The following DNAH14 variants were observed in gnomAD, a reference collection of about 807,000 sequenced individuals.
The protein encoded by DNAH14 is axonemal beta dynein heavy chain 14.
In DNAH14, 478 loss-of-function variants were observed where a neutral mutation model predicts 520.9. The ratio of observed to expected loss-of-function variants is 0.92; its 90% CI spans 0.85 to 0.99. DNAH14 has a LOEUF of 0.99. DNAH14 is among the 50% of genes least tolerant of loss of function. The pLI, the probability that DNAH14 is intolerant of heterozygous loss-of-function variation, is 0.00. For synonymous variants in DNAH14, 1,581 were observed against 1,757.2 expected (o/e 0.90, Z 2.51); for missense variants, 4,831 against 5,234.5 (o/e 0.92, Z 2.38).
chr1:225,285,152 G>A (rs935993731), intron 54 of DNAH14, among the ~76,000 whole-genome samples: 3 of 152,170 alleles, frequency 2.0e-5, no homozygotes, highest in African/African-American at 7.2e-5. Context: ...GAAAAAGTGG[G>A]GAAAGGGCAT....
rs1191779139 is a variant in DNAH14, at chr1:225,345,992, A to T, written c.10709A>T (p.Asp3570Val). ...GSILDDDKIV[D>V]TLRKSKMTSN... ...ATATTAGATGATGACAAAATTGTAG[A>T]TACCTTAAGAAAATCCAAAATGACA... Residue 3570 changes from aspartate to valine, a missense_variant, in exon 70 of 86, where the codon GAT (aspartate) becomes GTT (valine). Physicochemically the swap from Asp to Val is radical, Grantham distance 152 (BLOSUM62 -3). Coordinates refer to ENST00000682510, the MANE Select transcript of DNAH14 (RefSeq NM_001367479.1). 5 of 1,550,818 alleles carry T rather than the reference A, an allele frequency of 3.2e-6. No individual in the cohort carries two copies. Among genetic ancestry groups the T allele is most frequent in the East Asian group, 2.4e-5 (1 of 40,926 alleles).
intron 68 of DNAH14, among the ~76,000 whole-genome samples, chr1:225,338,975 C>T (rs1373712179): frequency 6.6e-6 from 1 of 152,028 alleles, no homozygotes; most frequent in Non-Finnish European, 1.5e-5. Flanking sequence ...GCTGCAGAGT[C>T]TCTCATCAAA....
chr1:225,375,895 T>C (rs1308515841), intron 78 of DNAH14, among the ~76,000 whole-genome samples: 1 of 152,040 alleles, frequency 6.6e-6, no homozygotes, highest in Non-Finnish European at 1.5e-5. Flanking sequence ...GAGAGCAGCC[T>C]GGCCAACATG....
chr1:225,255,732 C>T (rs900301113), intron 44 of DNAH14, among the ~76,000 whole-genome samples: 8 of 152,008 alleles, frequency 5.3e-5, no homozygotes, highest in African/African-American at 1.9e-4. Flanking sequence ...TTAGCAGAAA[C>T]AAGATTGCAG....
chr1:225,085,678 G>C lies in DNAH14; in HGVS notation c.3462G>C (p.Glu1154Asp). The C allele has an allele frequency of 1.3e-6, 2 of 1,551,260 alleles. No homozygotes were observed. The highest frequency in any genetic ancestry group is 3.9e-5 in the Admixed American group (2 of 50,994). Reference protein sequence around the residue: ...TPLPLILHHTEIYSIFIIPSI... With the variant: ...TPLPLILHHTDIYSIFIIPSI... ...TGCCTTTAATTCTTCACCACACAGA[G>C]ATTTACTCTATCTTCATAATTCCAT... The change falls in exon 21 of 86, where the codon GAG (glutamate) becomes GAC (aspartate). Residue 1154 changes from glutamate (E) to aspartate (D), a missense_variant. By Grantham distance (45) the Glu-to-Asp change is conservative (BLOSUM62 2). Coordinates refer to ENST00000682510, the MANE Select transcript of DNAH14 (RefSeq NM_001367479.1).
chr1:225,325,590 T>A (rs1028677544), intron 64 of DNAH14, among the ~76,000 whole-genome samples: 1 of 152,146 alleles, frequency 6.6e-6, no homozygotes. Flanking sequence ...TAAATTAAAA[T>A]ACAGTATCAT....
chr1:225,111,691 T>C (rs60434067), intron 23 of DNAH14, among the ~76,000 whole-genome samples: 12,367 of 152,106 alleles, frequency 0.081, 1,626 homozygotes, highest in African/African-American at 0.28. Context: ...TCTGGTTGTT[T>C]TGTGGTCTTC....
intron 34 of DNAH14, 119 bp downstream of exon 34, chr1:225,153,945 A>G: frequency 1.6e-6 from 1 of 630,602 alleles, no homozygotes; most frequent in Non-Finnish European, 2.6e-6. Context: ...CTGTCATAGT[A>G]AAGTAAGGCA....
intron 39 of DNAH14, 44 bp from the exon 40 acceptor site, chr1:225,205,927 A>G: frequency 7.0e-7 from 1 of 1,431,732 alleles, no homozygotes; most frequent in African/African-American, 1.4e-5. Context: ...ATGAAAGATG[A>G]CGGACATTAG....
At chr1:224,969,266 A>G in intron 7 of DNAH14, 1 of 185,136 alleles carries the variant, frequency 5.4e-6, no homozygotes, top group South Asian at 1.2e-4. Context: ...GCAAACTTAA[A>G]TACACCCTAC....
intron 8 of DNAH14, among the ~76,000 whole-genome samples, chr1:225,002,563 T>A (rs1490968134): frequency 6.6e-6 from 1 of 152,080 alleles, no homozygotes; most frequent in Non-Finnish European, 1.5e-5. Context: ...TTCCCCCTCC[T>A]ATTTTGTTCT....
intron 17 of DNAH14, among the ~76,000 whole-genome samples, chr1:225,072,390 C>T (rs2071644757): frequency 6.6e-6 from 1 of 152,122 alleles, no homozygotes; most frequent in South Asian, 2.1e-4. Context: ...TCTATCAGGT[C>T]GTTACATTCT....
chr1:225,075,580 TA>T (rs2072161833), intron 17 of DNAH14, among the ~76,000 whole-genome samples: 1 of 152,204 alleles, frequency 6.6e-6, no homozygotes, highest in South Asian at 2.1e-4. Context: ...TAATTATTTT[TA>T]ACCTGGGTGT....
intron 23 of DNAH14, among the ~76,000 whole-genome samples, chr1:225,105,812 C>T (rs1441936840): frequency 6.6e-6 from 1 of 151,964 alleles, no homozygotes; most frequent in East Asian, 1.9e-4. Context: ...CTGAATACAG[C>T]ACACTGATGG....
chr1:225,198,322 A>G (rs144228686), intron 38 of DNAH14, among the ~76,000 whole-genome samples: 1 of 151,662 alleles, frequency 6.6e-6, no homozygotes, highest in East Asian at 1.9e-4. Flanking sequence ...GGTTCACACC[A>G]TTCTCCTGCC....
intron 85 of DNAH14, 34 bp downstream of exon 85, chr1:225,398,700 C>A: frequency 6.5e-7 from 1 of 1,547,590 alleles, no homozygotes; most frequent in Non-Finnish European, 8.7e-7. Context: ...AAGTCCTAAA[C>A]CTCTGAGCGT....
chr1:225,306,965 G>C (rs1321227415), intron 58 of DNAH14, among the ~76,000 whole-genome samples: 2 of 151,830 alleles, frequency 1.3e-5, no homozygotes, highest in Non-Finnish European at 2.9e-5. Flanking sequence ...TAATTATATG[G>C]TTTGGGTCTC....
intron 48 of DNAH14, 33 bp downstream of exon 48, chr1:225,265,402 G>T (rs944268041): frequency 6.8e-7 from 1 of 1,461,328 alleles, no homozygotes; most frequent in East Asian, 2.7e-5. Flanking sequence ...TCAATAATCT[G>T]CTTAGGCTAG....
At chr1:225,121,992 A>G (rs2077338480) in intron 26 of DNAH14, among the ~76,000 whole-genome samples, 1 of 152,112 alleles carries the variant, frequency 6.6e-6, no homozygotes, top group Non-Finnish European at 1.5e-5. Context: ...GAAGATTTTT[A>G]TACTCCTAAG....
Sources: gnomAD v4.1 joint callset for allele counts (sites outside exome capture counted in the v4.1 genomes callset) on GRCh38, gnomAD v4.1.1 for gene constraint, MANE v1.5 for transcripts, NCBI Gene and HGNC (gene_info 2026-07-23, HGNC 2026-07-21) for gene names.